The following KCNMA1 variants were observed in gnomAD, a reference collection of about 807,000 sequenced individuals.
The protein encoded by KCNMA1 is potassium calcium-activated channel subfamily M alpha 1, also known as Calcium-activated potassium channel subunit alpha-1.
Under a neutral mutation model 140.0 loss-of-function variants are expected in KCNMA1, and 29 were observed. The observed-to-expected ratio is 0.21, with a 90% CI of 0.15 to 0.28. The LOEUF is 0.28. Among genes scored for constraint, KCNMA1 ranks in the 10% least tolerant of loss-of-function variants. The pLI is 1.00. For synonymous variants in KCNMA1, 612 were observed against 611.9 expected (o/e 1.00, Z 0.00); for missense variants, 880 against 1,602.2 (o/e 0.55, Z 7.70).
intron 3 of KCNMA1, among the ~76,000 whole-genome samples, chr10:77,190,525 G>C (rs1050357953): frequency 6.6e-6 from 1 of 152,164 alleles, no homozygotes; most frequent in Non-Finnish European, 1.5e-5. Flanking sequence ...AAGACATAGT[G>C]TCTGCTATCT....
chr10:77,295,787 CAAAAAAAAAAAAAAA>C (rs36034012), intron 2 of KCNMA1, among the ~76,000 whole-genome samples: 24 of 43,260 alleles, frequency 5.5e-4, no homozygotes, highest in African/African-American at 2.0e-3. Context: ...GACTCCGTCT[CAAAAAAAAAAAAAAA>C]AAAAAAAAAA....
At chr10:77,636,507 G>A in intron 1 of KCNMA1, 1 of 1,536,190 alleles carries the variant, frequency 6.5e-7, no homozygotes, top group Non-Finnish European at 8.7e-7. Context: ...GGGACCCAAA[G>A]TGGGTGGCCT....
intron 19 of KCNMA1, among the ~76,000 whole-genome samples, chr10:76,976,072 G>A (rs564243783): frequency 2.0e-5 from 3 of 152,124 alleles, no homozygotes; most frequent in Non-Finnish European, 4.4e-5. Context: ...TAGGAAATAG[G>A]AAACACATTT....
At chr10:77,218,135 C>A (rs1266187908) in intron 3 of KCNMA1, among the ~76,000 whole-genome samples, 1 of 151,956 alleles carries the variant, frequency 6.6e-6, no homozygotes, top group Non-Finnish European at 1.5e-5. Flanking sequence ...AGCCCTGAAC[C>A]CTTCTCTCTT....
intron 14 of KCNMA1, among the ~76,000 whole-genome samples, chr10:77,056,759 TA>T (rs1263040615): frequency 1.3e-5 from 2 of 152,062 alleles, no homozygotes; most frequent in Non-Finnish European, 2.9e-5. Context: ...ATACTACAAT[TA>T]AAAAATACAA....
At chr10:77,241,651 GAA>G (rs796215100) in intron 3 of KCNMA1, among the ~76,000 whole-genome samples, 1 of 143,330 alleles carries the variant, frequency 7.0e-6, no homozygotes, top group Non-Finnish European at 1.5e-5. Context: ...CTGTCTCAAA[GAA>G]AAAAAAAAAA....
At position 77,251,177 on chromosome 10, in the gene KCNMA1, G is replaced by A. The variant is rs986338996; in HGVS notation, c.602+18C>T. ...TTGTTTATGAAACGAGGGCAAGAAA[G>A]TATATTTGAATACTCACTTTGATGA... On this transcript the variant is annotated intron_variant, in intron 3 of 27. Transcript: ENST00000286628. 6.3e-7 allele frequency: 1 copy of A among 1,579,660 alleles called. No homozygotes were observed. The highest frequency in any genetic ancestry group is 1.3e-5 in the African/African-American group (1 of 74,188).
At chr10:77,509,038 A>G (rs1456200016) in intron 1 of KCNMA1, among the ~76,000 whole-genome samples, 7 of 152,158 alleles carry the variant, frequency 4.6e-5, no homozygotes, top group African/African-American at 1.4e-4. Context: ...GCCACATTGA[A>G]CGGACATTTC....
At chr10:77,404,347 C>T (rs1056083070) in intron 1 of KCNMA1, among the ~76,000 whole-genome samples, 10 of 152,042 alleles carry the variant, frequency 6.6e-5, no homozygotes, top group South Asian at 4.2e-4. Context: ...GGCGCAATCT[C>T]GGCTCTCTGC....
intron 2 of KCNMA1, among the ~76,000 whole-genome samples, chr10:77,325,658 T>C (rs903576151): frequency 3.3e-5 from 5 of 152,184 alleles, no homozygotes; most frequent in Non-Finnish European, 7.4e-5. Flanking sequence ...CCCTATCCAT[T>C]CTAACTTCTC....
intron 9 of KCNMA1, among the ~76,000 whole-genome samples, chr10:77,096,787 T>G (rs1044080963): frequency 1.3e-5 from 2 of 152,218 alleles, no homozygotes; most frequent in African/African-American, 4.8e-5. Context: ...TCTAGATGTC[T>G]CTGTAAAACT....
chr10:77,535,458 G>A (rs1389656675), intron 1 of KCNMA1, among the ~76,000 whole-genome samples: 1 of 152,174 alleles, frequency 6.6e-6, no homozygotes, highest in Non-Finnish European at 1.5e-5. Context: ...ATGTAAATTG[G>A]TACAGCCACT....
intron 25 of KCNMA1, among the ~76,000 whole-genome samples, chr10:76,907,449 T>C (rs889716559): frequency 1.1e-4 from 17 of 152,234 alleles, no homozygotes; most frequent in African/African-American, 4.1e-4. Flanking sequence ...CAAACCGATT[T>C]TATTCCTTGG....
intron 3 of KCNMA1, among the ~76,000 whole-genome samples, chr10:77,186,864 G>A (rs916449568): frequency 6.6e-6 from 1 of 151,702 alleles, no homozygotes; most frequent in Non-Finnish European, 1.5e-5. Context: ...GGTAACTACT[G>A]TACTCAGGTG....
At chr10:77,624,204 T>C (rs1243885162) in intron 1 of KCNMA1, among the ~76,000 whole-genome samples, 1 of 152,224 alleles carries the variant, frequency 6.6e-6, no homozygotes, top group African/African-American at 2.4e-5. Context: ...TAAGTTGATT[T>C]GCATGACCTT....
chr10:77,589,755 T>C (rs1164009481), intron 1 of KCNMA1, among the ~76,000 whole-genome samples: 1 of 152,134 alleles, frequency 6.6e-6, no homozygotes, highest in Non-Finnish European at 1.5e-5. Context: ...GCTGCAGACC[T>C]TCGCGGTGTT....
chr10:77,118,595 T>A (rs1228531717), intron 6 of KCNMA1, among the ~76,000 whole-genome samples: 1 of 152,162 alleles, frequency 6.6e-6, no homozygotes, highest in East Asian at 1.9e-4. Flanking sequence ...CTTCCTTGAT[T>A]AGAAGTCAAC....
At chr10:76,905,384 A>C (rs2047400745) in intron 25 of KCNMA1, among the ~76,000 whole-genome samples, 1 of 152,196 alleles carries the variant, frequency 6.6e-6, no homozygotes, top group Non-Finnish European at 1.5e-5. Context: ...ATTAGGAGGA[A>C]GCTGGTGGCT....
intron 2 of KCNMA1, among the ~76,000 whole-genome samples, chr10:77,254,700 T>C (rs2060365897): frequency 1.3e-5 from 2 of 152,154 alleles, no homozygotes; most frequent in African/African-American, 2.4e-5. Flanking sequence ...TATCCTCTCC[T>C]TTCCCAAAAT....
Sources: gnomAD v4.1 joint callset for allele counts (sites outside exome capture counted in the v4.1 genomes callset) on GRCh38, gnomAD v4.1.1 for gene constraint, MANE v1.5 for transcripts, NCBI Gene and HGNC (gene_info 2026-07-23, HGNC 2026-07-21) for gene names.